Variants in RALGAPA1 observed in about 807,000 individuals in gnomAD.
The protein encoded by RALGAPA1 is Ral GTPase activating protein catalytic subunit alpha 1, also known as ral GTPase-activating protein subunit alpha-1.
RALGAPA1 carries 52 observed loss-of-function variants against 269.6 expected under a neutral mutation model. The ratio of observed to expected loss-of-function variants is 0.19; its 90% confidence interval spans 0.15 to 0.24. RALGAPA1 has a LOEUF of 0.24. Ranked by LOEUF, RALGAPA1 falls within the 10% of genes least tolerant of loss-of-function variation. The pLI is 1.00. For missense variants in RALGAPA1, 1,917 were observed against 3,013.9 expected, an observed-to-expected ratio of 0.64 and a Z score of 8.52; for synonymous variants, 817 against 1,008.3, an observed-to-expected ratio of 0.81 and a Z score of 3.60.
At chr14:35,690,093 T>A (rs1391357339) in intron 17 of RALGAPA1, 90 bp from the exon 18 acceptor site, 3 of 966,324 alleles carry the variant, frequency 3.1e-6, no homozygotes, top group East Asian at 6.4e-5. Context: ...GCATATGCTT[T>A]AAAAAAAATC....
intron 1 of RALGAPA1, among the ~76,000 whole-genome samples, chr14:35,781,385 A>G (rs2075415270): frequency 1.3e-5 from 2 of 152,184 alleles, no homozygotes; most frequent in South Asian, 2.1e-4. Flanking sequence ...ACTTCAAAGA[A>G]AAGCTTGGAC....
intron 1 of RALGAPA1, among the ~76,000 whole-genome samples, chr14:35,802,602 T>C (rs2077056219): frequency 6.6e-6 from 1 of 151,520 alleles, no homozygotes; most frequent in African/African-American, 2.4e-5. Flanking sequence ...TTTTCCCAAA[T>C]TGATCTATAG....
intron 16 of RALGAPA1, among the ~76,000 whole-genome samples, chr14:35,708,227 G>A (rs1052976118): frequency 3.9e-5 from 6 of 151,940 alleles, no homozygotes; most frequent in Admixed American, 3.3e-4. Flanking sequence ...AATATCCCCA[G>A]GCAACCAAAG....
At chr14:35,542,491 T>C (rs1020118592) in intron 41 of RALGAPA1, 2 of 154,070 alleles carry the variant, frequency 1.3e-5, no homozygotes, top group African/African-American at 4.8e-5. Flanking sequence ...GGATTTTTAG[T>C]GTGTGTGGTG....
At chr14:35,791,778 C>T (rs570307091) in intron 1 of RALGAPA1, among the ~76,000 whole-genome samples, 9 of 151,180 alleles carry the variant, frequency 6.0e-5, no homozygotes, top group Admixed American at 1.3e-4. Flanking sequence ...TGGTGGCGGG[C>T]GCCTGTAGTC....
intron 37 of RALGAPA1, among the ~76,000 whole-genome samples, chr14:35,583,227 G>C (rs1310350885): frequency 2.0e-5 from 3 of 152,240 alleles, no homozygotes; most frequent in South Asian, 4.1e-4. Context: ...TTTAAGAACA[G>C]ATGGACAATG....
chr14:35,717,205 C>A (rs1028559539), intron 16 of RALGAPA1, among the ~76,000 whole-genome samples: 2 of 152,158 alleles, frequency 1.3e-5, no homozygotes, highest in African/African-American at 2.4e-5. Context: ...AGCTGGAGTG[C>A]AATGGTGCGA....
At chr14:35,586,878 A>C (rs931704444) in intron 37 of RALGAPA1, among the ~76,000 whole-genome samples, 21 of 152,108 alleles carry the variant, frequency 1.4e-4, no homozygotes, top group African/African-American at 4.8e-4. Context: ...TTTATTGAAG[A>C]TTTTGGCATT....
At chr14:35,645,346 G>GGGGTGTGTGTGTGTGTGTGTGTGT (rs71445953) in intron 31 of RALGAPA1, among the ~76,000 whole-genome samples, 27 of 129,554 alleles carry the variant, frequency 2.1e-4, no homozygotes, top group African/African-American at 6.3e-4. Flanking sequence ...TATAGAGATG[G>GGGGTGTGTGTGTGTGTGTGTGTGT]GTGTGTGTGT....
chr14:35,626,965 T>A, intron 34 of RALGAPA1, 125 bp downstream of exon 34: 1 of 949,930 alleles, frequency 1.1e-6, no homozygotes. Flanking sequence ...TGCAAAAAAA[T>A]GAGTCAAAGA....
At chr14:35,744,351 A>G (rs953639365) in intron 10 of RALGAPA1, among the ~76,000 whole-genome samples, 3 of 147,782 alleles carry the variant, frequency 2.0e-5, no homozygotes, top group African/African-American at 7.5e-5. Flanking sequence ...AGCCTGGGCA[A>G]CAAGAACAAG....
chr14:35,632,021 C>T (rs747512049), intron 33 of RALGAPA1, among the ~76,000 whole-genome samples: 5 of 152,084 alleles, frequency 3.3e-5, no homozygotes, highest in Non-Finnish European at 7.4e-5. Flanking sequence ...GTCATAATTA[C>T]TCACATTGAA....
At chr14:35,646,899 T>C (rs1254364799) in intron 31 of RALGAPA1, among the ~76,000 whole-genome samples, 1 of 152,204 alleles carries the variant, frequency 6.6e-6, no homozygotes, top group Admixed American at 6.5e-5. Context: ...CCAATATAAA[T>C]AATTCTTTGT....
At chr14:35,563,468 G>A (rs899179078) in intron 39 of RALGAPA1, among the ~76,000 whole-genome samples, 10 of 152,130 alleles carry the variant, frequency 6.6e-5, no homozygotes, top group Admixed American at 4.6e-4. Context: ...AAAGATGGGG[G>A]ATGGAGCTGG....
Position 35,547,577 on chromosome 14 carries a change from T to C in RALGAPA1, c.*23+931A>G, listed in dbSNP as rs2139070748. Among the ~76,000 whole-genome samples the C allele has an allele frequency of 2.0e-5, 3 of 152,240 alleles. No individual in the cohort carries two copies. The South Asian group carries it at 6.2e-4, about 32-fold the overall frequency. Reference sequence around the variant, plus strand: ...ATATCTCTTTTAATATAATCTGACATTTTATCGGACATTCTCCATTATTAA... The same window carrying C: ...ATATCTCTTTTAATATAATCTGACACTTTATCGGACATTCTCCATTATTAA... On this transcript the variant is annotated intron_variant, in intron 41 of 41. Transcript: ENST00000680220.
At chr14:35,640,487 T>C (rs555661993) in intron 31 of RALGAPA1, among the ~76,000 whole-genome samples, 6 of 152,264 alleles carry the variant, frequency 3.9e-5, no homozygotes, top group African/African-American at 1.4e-4. Flanking sequence ...CTGGAAAACC[T>C]AGAAGAAACG....
At chr14:35,723,301 G>A (rs766595308) in intron 14 of RALGAPA1, 37 bp from the exon 15 acceptor site, 18 of 1,197,328 alleles carry the variant, frequency 1.5e-5, no homozygotes, top group Non-Finnish European at 1.8e-5. Context: ...AATAAAATGT[G>A]TTTAGTGTGT....
At position 35,605,043 on chromosome 14, in the gene RALGAPA1, G is replaced by A. The variant is rs147706577; in HGVS notation, c.7053+543C>T. Among the ~76,000 whole-genome samples, 494 of 152,126 alleles carry A rather than the reference G, an allele frequency of 3.2e-3. 1 individual carries two copies. The highest frequency in any genetic ancestry group is 6.8e-3 in the Middle Eastern group (2 of 294). On this transcript the variant is annotated intron_variant, in intron 36 of 41. Coordinates refer to ENST00000680220, the MANE Select transcript of RALGAPA1 (RefSeq NM_001346249.2). ...TCAATATTTCTTGCTTTGCTGACAGGGACTTTCTCCTAAAAGTATACCCAC... is the reference window on the plus strand; with the variant it reads ...TCAATATTTCTTGCTTTGCTGACAGAGACTTTCTCCTAAAAGTATACCCAC...
chr14:35,544,433 G>A (rs1001475135), intron 41 of RALGAPA1, among the ~76,000 whole-genome samples: 4 of 152,164 alleles, frequency 2.6e-5, no homozygotes, highest in Admixed American at 2.6e-4. Flanking sequence ...AAAGTACCAG[G>A]TGACTCTGGG....
Sources: gnomAD v4.1 joint callset for allele counts (sites outside exome capture counted in the v4.1 genomes callset) on GRCh38, gnomAD v4.1.1 for gene constraint, MANE v1.5 for transcripts, NCBI Gene and HGNC (gene_info 2026-07-23, HGNC 2026-07-21) for gene names.